The following HK3 variants were observed in gnomAD, a reference collection of about 807,000 sequenced individuals.
HK3 encodes hexokinase 3, also known as hexokinase-3.
HK3 carries 93 observed loss-of-function variants against 91.0 expected under a neutral mutation model. The observed-to-expected ratio is 1.02, with a 90% CI of 0.86 to 1.21. The LOEUF is 1.21. HK3 is among the 50% of genes most tolerant of loss of function. HK3 has a pLI of 0.00. For synonymous variants in HK3, 519 were observed against 516.9 expected, an observed-to-expected ratio of 1.00 and a Z score of -0.06; for missense variants, 1,235 against 1,247.4, an observed-to-expected ratio of 0.99 and a Z score of 0.15.
intron 13 of HK3, among the ~76,000 whole-genome samples, chr5:176,885,986 C>T (rs1561679122): frequency 6.6e-6 from 1 of 151,890 alleles, no homozygotes; most frequent in Non-Finnish European, 1.5e-5. Context: ...CCTGTAATCC[C>T]AGAACTTTGA....
In HK3 at chr5:176,881,476, G is replaced by A; in HGVS notation, c.2453C>T (p.Thr818Ile). 1.2e-6 allele frequency: 2 copies of A among 1,608,086 alleles called. No homozygotes were observed. The highest frequency in any genetic ancestry group is 2.2e-5 in the South Asian group (2 of 91,092). The stretch of plus-strand genomic sequence containing the variant: ...TAGCACCATCAGGGCGTCATCTGAG[G>A]TCAGGGGTAGCCCCAGATCCTCTAG... ...AILEDLGLPL[T>I]SDDALMVLEV... Residue 818 changes from threonine to isoleucine, a missense_variant, in exon 18 of 19, where the codon ACC becomes ATC. By Grantham distance (89) the Thr-to-Ile change is moderately conservative. Around this residue, in one of 3 missense-constraint regions of HK3, gnomAD observed 513 missense variants for 477.4 expected, o/e 1.07. Coordinates refer to ENST00000292432, the MANE Select transcript of HK3 (RefSeq NM_002115.3).
chr5:176,881,004 G>C lies in HK3; in HGVS notation c.*69C>G. 1.3e-6 allele frequency: 2 copies of C among 1,496,120 alleles called. No individual in the cohort carries two copies. Among genetic ancestry groups the C allele is most frequent in the Non-Finnish European group, 1.8e-6 (2 of 1,123,270 alleles). The allele number at this position is 1,496,120 out of a possible 1,614,324, so 92.7% of individuals were successfully genotyped here. ...AGTCCTGGGTGGCTGGGCCTGGCTG[G>C]GAAACAGGCAGACCCCGACCCGGCT... On this transcript the variant is annotated 3_prime_UTR_variant, in exon 19 of 19. Transcript: ENST00000292432.
In HK3 at chr5:176,881,817, C is replaced by T; in HGVS notation, c.2268G>A (p.Leu756=). 2 of 1,614,106 alleles carry T rather than the reference C, an allele frequency of 1.2e-6. No homozygotes were observed. The highest frequency in any genetic ancestry group is 1.7e-6 in the Non-Finnish European group (2 of 1,180,026). The change falls in exon 17 of 19, where the codon CTG becomes CTA. Residue 756 remains leucine (L), a synonymous_variant. Coordinates refer to ENST00000292432, the MANE Select transcript of HK3 (RefSeq NM_002115.3). ...RFEKMISGMY[L]GEIVRHILLH... The stretch of plus-strand genomic sequence containing the variant: ...AAAGGATGTGGCGGACGATCTCCCC[C>T]AGGTACATGCCGCTGATCATCTTTT...
chr5:176,886,756 A>C (rs1758594360), intron 13 of HK3, among the ~76,000 whole-genome samples: 1 of 152,168 alleles, frequency 6.6e-6, no homozygotes, highest in Non-Finnish European at 1.5e-5. Context: ...GCTAAAATGG[A>C]CGATCTGTCC....
chr5:176,892,467 C>G lies in HK3; in HGVS notation c.97-917G>C, dbSNP rs543803361. On this transcript the variant is annotated intron_variant, in intron 2 of 18. Coordinates refer to ENST00000292432, the MANE Select transcript of HK3 (RefSeq NM_002115.3). ...GCAGGGAAGGCAGAAGCCAGGACAC[C>G]CCAGGCTGTCACTCCACCAGAAGCC... is the stretch of plus-strand genomic sequence containing the variant. 3.3e-4 allele frequency among the ~76,000 whole-genome samples: 50 copies of G among 152,094 alleles called. 1 individual carries two copies. Among genetic ancestry groups the G allele is most frequent in the African/African-American group, 1.2e-3 (49 of 41,450 alleles).
intron 1 of HK3, among the ~76,000 whole-genome samples, chr5:176,898,461 C>T (rs919694002): frequency 6.6e-6 from 1 of 152,150 alleles, no homozygotes; most frequent in Non-Finnish European, 1.5e-5. Context: ...GTAACTGGGG[C>T]AATTACCTTC....
intron 1 of HK3, among the ~76,000 whole-genome samples, chr5:176,898,397 A>C (rs771658751): frequency 6.6e-6 from 1 of 152,188 alleles, no homozygotes; most frequent in Non-Finnish European, 1.5e-5. Context: ...TCTGTCAAAT[A>C]GGGGTGTGGA....
chr5:176,883,174 G>A (rs1758490037), intron 15 of HK3, among the ~76,000 whole-genome samples: 1 of 152,200 alleles, frequency 6.6e-6, no homozygotes, highest in Non-Finnish European at 1.5e-5. Context: ...GTTCTGAGAA[G>A]GCAGAAATTG....
Position 176,890,835 on chromosome 5 carries a change from G to T in HK3, c.521C>A (p.Thr174Lys), listed in dbSNP as rs141123858. Residue 174 changes from threonine (T) to lysine (K), a missense_variant, in exon 5 of 19, where the codon ACG becomes AAG. Transcript: ENST00000292432. ...ACTCCACCTCACCCTGTCCAAGCCC[G>T]TCTGGTGACAAGGGAAAGAGAAGCT... is the stretch of plus-strand genomic sequence containing the variant. The part of the protein sequence containing the change: ...GFSFSFPCHQ[T>K]GLDRSTLISW... The T allele has an allele frequency of 2.5e-6, 4 of 1,614,018 alleles. No homozygotes were observed. Among genetic ancestry groups the T allele is most frequent in the Admixed American group, 3.3e-5 (2 of 60,006 alleles).
At chr5:176,898,143 C>T (rs768197670) in intron 1 of HK3, among the ~76,000 whole-genome samples, 8 of 152,212 alleles carry the variant, frequency 5.3e-5, no homozygotes, top group Non-Finnish European at 1.2e-4. Context: ...GACCATCCTC[C>T]GGCCTGATTA....
chr5:176,899,143 A>G (rs1758980485), intron 1 of HK3, 124 bp downstream of exon 1: 1 of 152,244 alleles, frequency 6.6e-6, no homozygotes, highest in African/African-American at 2.4e-5. Context: ...TCTCAAAAAC[A>G]AAGAAAGAGA....
chr5:176,883,256 A>G (rs1758491837), intron 15 of HK3, among the ~76,000 whole-genome samples: 2 of 152,076 alleles, frequency 1.3e-5, no homozygotes, highest in South Asian at 4.1e-4. Flanking sequence ...CTTAATAAGG[A>G]TGGAATCTTG....
rs374983780 is a variant in HK3 at position 176,890,960 on chromosome 5, G to T, written c.415-19C>A. 2.0e-5 allele frequency: 33 copies of T among 1,613,862 alleles called. No homozygotes were observed. The highest frequency in any genetic ancestry group is 1.1e-4 in the East Asian group (5 of 44,890). On this transcript the variant is annotated intron_variant, in intron 4 of 18. Coordinates refer to ENST00000292432, the MANE Select transcript of HK3 (RefSeq NM_002115.3). The stretch of plus-strand genomic sequence containing the variant: ...CAAAGAGCTGCAGGAGAAGTGGGGG[G>T]GCTCAGCCTTGCCCATCTGAGCCCT...
chr5:176,882,744 C>T (rs747378641), intron 15 of HK3, among the ~76,000 whole-genome samples: 9 of 152,230 alleles, frequency 5.9e-5, no homozygotes, highest in Non-Finnish European at 1.2e-4. Context: ...AAGAAAAAGG[C>T]ATTCCAGGCA....
chr5:176,883,801 C>T lies in HK3; in HGVS notation c.2022G>A (p.Glu674=), dbSNP rs114213052. The T allele has an allele frequency of 8.3e-4, 1,338 of 1,614,078 alleles. 14 individuals are homozygous for T. The African/African-American group carries it at 0.014, about 16-fold the overall frequency. Residue 674 remains glutamate, a synonymous_variant, in exon 15 of 19, where the codon GAG becomes GAA. Transcript: ENST00000292432. ...TGAGGCCTATCTCGCAACGGGGGTC[C>T]TCATAGCCACAGGACATCATGGTCC... is the stretch of plus-strand genomic sequence containing the variant. ...TVGTMMSCGY[E]DPRCEIGLIV...
In HK3 at chr5:176,890,896, G is replaced by T. The variant is rs765697648; in HGVS notation, c.460C>A (p.Gln154Lys). The change falls in exon 5 of 19, where the codon CAG becomes AAG. Residue 154 changes from glutamine (Q) to lysine (K), a missense_variant. This residue lies in a region of HK3 where 717 missense variants were observed against 751.6 expected (regional missense o/e 0.95). Coordinates refer to ENST00000292432, the MANE Select transcript of HK3 (RefSeq NM_002115.3). ...AHCLSEFLDA[Q>K]PVNKQGLQLG... ...TGCAGACCCTGTTTGTTCACAGGCT[G>T]CGCATCCAGGAACTCAGACAGGCAG... is the stretch of plus-strand genomic sequence containing the variant. 4.3e-6 allele frequency: 7 copies of T among 1,613,928 alleles called. No individual in the cohort carries two copies. Among genetic ancestry groups the T allele is most frequent in the Non-Finnish European group, 3.4e-6 (4 of 1,180,038 alleles).
At chr5:176,888,195 C>G (rs1758653378) in intron 10 of HK3, 137 bp downstream of exon 10, 1 of 719,254 alleles carries the variant, frequency 1.4e-6, no homozygotes, top group Admixed American at 2.3e-5. Context: ...CCTCCCATAG[C>G]TCAGTCTGGC....
chr5:176,888,067 C>T (rs1758650443), intron 10 of HK3, among the ~76,000 whole-genome samples: 1 of 152,092 alleles, frequency 6.6e-6, no homozygotes, highest in South Asian at 2.1e-4. Flanking sequence ...GCCAGCCTCC[C>T]CTATCACTTC....
At position 176,889,561 on chromosome 5, in the gene HK3, G is replaced by T; in HGVS notation, c.734C>A (p.Thr245Lys). Reference protein sequence around the residue: ...RPCEVGLVVDTGTNACYMEEA... With the variant: ...RPCEVGLVVDKGTNACYMEEA... ...CTCCATGTAACACGCGTTGGTGCCCGTGTCTGGCAGAGACAACCCTGTCAA... is the reference window on the plus strand; with the variant it reads ...CTCCATGTAACACGCGTTGGTGCCCTTGTCTGGCAGAGACAACCCTGTCAA... The change falls in exon 8 of 19, where the codon ACG (threonine) becomes AAG (lysine). Residue 245 changes from threonine (T) to lysine (K), a missense_variant. Coordinates refer to ENST00000292432, the MANE Select transcript of HK3 (RefSeq NM_002115.3). The T allele has an allele frequency of 6.2e-7, 1 of 1,614,124 alleles. No individual in the cohort carries two copies. Among genetic ancestry groups the T allele is most frequent in the African/African-American group, 1.3e-5 (1 of 75,058 alleles).
Sources: gnomAD v4.1 joint callset for allele counts (sites outside exome capture counted in the v4.1 genomes callset) on GRCh38, gnomAD v4.1.1 for gene constraint, gnomAD v4.1.1 regional missense constraint, MANE v1.5 for transcripts, NCBI Gene and HGNC (gene_info 2026-07-23, HGNC 2026-07-21) for gene names.